Variants in SLC22A23 observed in about 807,000 individuals in gnomAD.
SLC22A23 encodes the protein ion transporter protein.
SLC22A23 carries 26 observed loss-of-function variants against 61.0 expected under a neutral mutation model. The ratio of observed to expected loss-of-function variants is 0.43; its 90% CI spans 0.31 to 0.59. The LOEUF is 0.59. SLC22A23 is among the 20% of genes least tolerant of loss of function. The pLI, the probability that SLC22A23 is intolerant of heterozygous loss-of-function variation, is 0.11. For missense variants in SLC22A23, 796 were observed against 934.7 expected (o/e 0.85, Z 1.94); for synonymous variants, 430 against 413.9 (o/e 1.04, Z -0.47).
intron 1 of SLC22A23, among the ~76,000 whole-genome samples, chr6:3,419,028 A>G (rs1482314147): frequency 2.0e-5 from 3 of 152,232 alleles, no homozygotes; most frequent in South Asian, 4.1e-4. Context: ...ATTTGTTCAC[A>G]TTGCTCTAGA....
intron 3 of SLC22A23, among the ~76,000 whole-genome samples, chr6:3,369,246 A>G (rs1425764652): frequency 6.6e-6 from 1 of 152,194 alleles, no homozygotes; most frequent in Non-Finnish European, 1.5e-5. Flanking sequence ...GGGTTAAAAA[A>G]AATGGTGGCA....
intron 1 of SLC22A23, among the ~76,000 whole-genome samples, chr6:3,431,212 T>A (rs1046906056): frequency 1.3e-5 from 2 of 152,046 alleles, no homozygotes; most frequent in Non-Finnish European, 2.9e-5. Flanking sequence ...TGGGGGCAGG[T>A]CCTGTGAGGA....
rs1763024689 is a variant in SLC22A23, at chr6:3,322,648, C to T, written c.1082+1186G>A. 6.6e-6 allele frequency among the ~76,000 whole-genome samples: 1 copy of T among 152,180 alleles called. No individual in the cohort carries two copies. Among genetic ancestry groups the T allele is most frequent in the Non-Finnish European group, 1.5e-5 (1 of 68,032 alleles). On this transcript the variant is annotated intron_variant, in intron 4 of 9. Transcript: ENST00000406686. The surrounding 1 kb of genome is among the most constrained non-coding windows in gnomAD (Gnocchi z 4.1). ...GCCGAGGTCCTCATAACACAGTGAGCAAGAACCAGGCTCTCGGGGAAACCG... is the reference window on the plus strand; with the variant it reads ...GCCGAGGTCCTCATAACACAGTGAGTAAGAACCAGGCTCTCGGGGAAACCG...
At chr6:3,350,282 T>G (rs529863182) in intron 3 of SLC22A23, among the ~76,000 whole-genome samples, 1 of 152,128 alleles carries the variant, frequency 6.6e-6, no homozygotes, top group African/African-American at 2.4e-5. Context: ...TAAAGTAGGG[T>G]TGGAAAACTA....
chr6:3,426,568 C>T lies in SLC22A23; in HGVS notation c.655-10713G>A, dbSNP rs543377902. 2.4e-4 allele frequency among the ~76,000 whole-genome samples: 36 copies of T among 152,316 alleles called. 1 individual carries two copies. In the South Asian group the frequency reaches 7.3e-3, roughly 31 times the overall value. On this transcript the variant is annotated intron_variant, in intron 1 of 9. Transcript: ENST00000406686. ...GCCAAATACTCATCTTTTTCTGTAA[C>T]ATATGAATCAGAGTACCTGAGATGG...
chr6:3,455,897 G>T lies in SLC22A23; in HGVS notation c.654+9C>A. The T allele has an allele frequency of 6.7e-7, 1 of 1,485,168 alleles. No individual in the cohort carries two copies. The allele number at this position is 1,485,168 out of a possible 1,614,324, so 92.0% of individuals were successfully genotyped here. A position where few individuals can be genotyped will look rare whatever the true frequency, so the allele number is the denominator to read the frequency against. ...AGGGTTGGAGGGACTGGGCGGCTGC[G>T]GCCCTTACCTTGCTGACCACGTTCT... is the stretch of plus-strand genomic sequence containing the variant. On this transcript the variant is annotated intron_variant, in intron 1 of 9. Coordinates refer to ENST00000406686, the MANE Select transcript of SLC22A23 (RefSeq NM_015482.2).
At chr6:3,403,777 G>A (rs956946327) in intron 3 of SLC22A23, among the ~76,000 whole-genome samples, 11 of 152,214 alleles carry the variant, frequency 7.2e-5, no homozygotes, top group Non-Finnish European at 1.5e-4. Flanking sequence ...TGGAAGTTAC[G>A]TTGAAGCTCA....
chr6:3,384,090 T>C (rs967395534), intron 3 of SLC22A23, among the ~76,000 whole-genome samples: 1 of 152,208 alleles, frequency 6.6e-6, no homozygotes, highest in Non-Finnish European at 1.5e-5. Context: ...CAAAATTGCA[T>C]GAGGTGCTTC....
In SLC22A23 at chr6:3,387,845, T is replaced by C. The variant is rs1316806759; in HGVS notation, c.913+22343A>G. Among the ~76,000 whole-genome samples the C allele has an allele frequency of 6.6e-6, 1 of 151,928 alleles. No homozygotes were observed. The highest frequency in any genetic ancestry group is 6.6e-5 in the Admixed American group (1 of 15,264). ...CTTCTCTGATAAAGTTCTCTGAGGG[T>C]GAGTGGCAGGAAAGGAGAAGGCAGG... On this transcript the variant is annotated intron_variant, in intron 3 of 9. Coordinates refer to ENST00000406686, the MANE Select transcript of SLC22A23 (RefSeq NM_015482.2). The surrounding 1 kb of genome is among the most constrained non-coding windows in gnomAD (Gnocchi z 5.0).
intron 1 of SLC22A23, chr6:3,444,983 G>C (rs1247185979): frequency 1.0e-6 from 1 of 985,512 alleles, no homozygotes; most frequent in South Asian, 4.7e-5. Flanking sequence ...AGGAAGGAAG[G>C]CACCTGAGGC....
At chr6:3,284,963 G>A (rs1297916841) in intron 8 of SLC22A23, 116 bp downstream of exon 8, 2 of 1,550,692 alleles carry the variant, frequency 1.3e-6, no homozygotes, top group Non-Finnish European at 1.7e-6. Flanking sequence ...TGCAGTTCTT[G>A]GAGGGCAACG....
chr6:3,329,838 G>A lies in SLC22A23; in HGVS notation c.914-5836C>T, dbSNP rs527243780. Among the ~76,000 whole-genome samples, 14 of 152,316 alleles carry A rather than the reference G, an allele frequency of 9.2e-5. 1 individual carries two copies. The South Asian group carries it at 2.7e-3, about 29-fold the overall frequency. On this transcript the variant is annotated intron_variant, in intron 3 of 9. Coordinates refer to ENST00000406686, the MANE Select transcript of SLC22A23 (RefSeq NM_015482.2). The surrounding 1 kb of genome is among the most constrained non-coding windows in gnomAD (Gnocchi z 4.8). ...ACTCTGCAGGCCCAAGGCCACTCTC[G>A]GGACAGGGCAAGTCTGCACAACTCA...
intron 3 of SLC22A23, among the ~76,000 whole-genome samples, chr6:3,349,278 G>A (rs1764626679): frequency 6.6e-6 from 1 of 152,216 alleles, no homozygotes; most frequent in South Asian, 2.1e-4. Context: ...GGCAGTCAGA[G>A]CCCCAAACAC....
chr6:3,438,387 T>A, intron 1 of SLC22A23: 1 of 387,554 alleles, frequency 2.6e-6, no homozygotes, highest in Admixed American at 3.1e-5. Flanking sequence ...AGGTAGCAGA[T>A]GTTTCACTGG....
chr6:3,375,181 A>G (rs967868627), intron 3 of SLC22A23, among the ~76,000 whole-genome samples: 2 of 152,228 alleles, frequency 1.3e-5, no homozygotes, highest in African/African-American at 4.8e-5. Flanking sequence ...AAAAATCAGC[A>G]GAAAAAAATG....
chr6:3,370,629 C>T (rs4959819), intron 3 of SLC22A23, among the ~76,000 whole-genome samples: 51,844 of 152,206 alleles, frequency 0.34, 8,990 homozygotes, highest in Middle Eastern at 0.39. Context: ...GTCTGTGTGC[C>T]CAAGGCCAGC....
At chr6:3,439,178 C>T in intron 1 of SLC22A23, 1 of 351,868 alleles carries the variant, frequency 2.8e-6, no homozygotes, top group Non-Finnish European at 5.6e-6. Flanking sequence ...TTTAGCAGTA[C>T]CCCTGCCTCT....
chr6:3,325,920 G>A (rs888954877), intron 3 of SLC22A23, among the ~76,000 whole-genome samples: 7 of 152,234 alleles, frequency 4.6e-5, no homozygotes, highest in African/African-American at 1.7e-4. Context: ...GTGGTTTGCT[G>A]GTACAGCAGA....
intron 6 of SLC22A23, among the ~76,000 whole-genome samples, chr6:3,289,384 G>A (rs927553147): frequency 7.9e-5 from 12 of 152,246 alleles, no homozygotes; most frequent in Admixed American, 2.0e-4. Flanking sequence ...GGGCGGGGCC[G>A]GCTACAGGCA....
Sources: allele counts gnomAD v4.1 joint callset (sites outside exome capture counted in the v4.1 genomes callset), GRCh38; gene constraint gnomAD v4.1.1; non-coding constraint Gnocchi (gnomAD v3.1); transcripts MANE v1.5; gene names NCBI Gene and HGNC (gene_info 2026-07-23, HGNC 2026-07-21).